Variants in ATF7IP2 observed in about 807,000 individuals in gnomAD.
ATF7IP2 encodes activating transcription factor 7-interacting protein 2.
A neutral mutation model predicts 64.2 loss-of-function variants in ATF7IP2; 42 were observed. The ratio of observed to expected loss-of-function variants is 0.65; its 90% CI spans 0.51 to 0.85. ATF7IP2 has a LOEUF of 0.85. ATF7IP2 is among the 40% of genes least tolerant of loss of function. The probability of loss-of-function intolerance (pLI) is 0.00; values close to 1 mark genes in which losing one functional copy is unlikely to be tolerated. For synonymous variants in ATF7IP2, 308 were observed against 272.8 expected, an observed-to-expected ratio of 1.13 and a Z score of -1.27; for missense variants, 933 against 784.2, an observed-to-expected ratio of 1.19 and a Z score of -2.27.
chr16:10,465,834 A>C (rs2049549319), intron 9 of ATF7IP2, among the ~76,000 whole-genome samples: 1 of 152,064 alleles, frequency 6.6e-6, no homozygotes, highest in South Asian at 2.1e-4. Flanking sequence ...TTCCCGTTAG[A>C]CCATAAGTTT....
In ATF7IP2 at chr16:10,406,307, C is replaced by T. The variant is rs116322477; in HGVS notation, c.-241-8267C>T. Reference sequence around the variant, plus strand: ...ATTTTGTAGAGATGGGGTTTTGCCACGTTGCTTGGGCTGGTCTTGATCTCC... The same window carrying T: ...ATTTTGTAGAGATGGGGTTTTGCCATGTTGCTTGGGCTGGTCTTGATCTCC... On this transcript the variant is annotated intron_variant, in intron 1 of 13. Transcript: ENST00000562102. Among the ~76,000 whole-genome samples the T allele has an allele frequency of 2.5e-3, 385 of 152,122 alleles. 1 individual carries two copies. The highest frequency in any genetic ancestry group is 8.8e-3 in the African/African-American group (367 of 41,512).
At chr16:10,425,495 G>A (rs979167864) in intron 3 of ATF7IP2, among the ~76,000 whole-genome samples, 4 of 152,008 alleles carry the variant, frequency 2.6e-5, no homozygotes, top group Non-Finnish European at 4.4e-5. Flanking sequence ...TGTAAATTAA[G>A]GCTTTAATAT....
chr16:10,401,550 G>A (rs989635178), intron 1 of ATF7IP2, among the ~76,000 whole-genome samples: 1 of 152,028 alleles, frequency 6.6e-6, no homozygotes, highest in Admixed American at 6.6e-5. Context: ...CAGGGATATT[G>A]GTCTGTAGTT....
chr16:10,474,305 C>A (rs2049923261), intron 12 of ATF7IP2, among the ~76,000 whole-genome samples: 1 of 150,358 alleles, frequency 6.7e-6, no homozygotes, highest in South Asian at 2.1e-4. Flanking sequence ...AGATTGACTT[C>A]TTCCGAGGGT....
At chr16:10,480,111 C>A (rs1242980558) in intron 12 of ATF7IP2, among the ~76,000 whole-genome samples, 3 of 151,474 alleles carry the variant, frequency 2.0e-5, no homozygotes, top group African/African-American at 2.4e-5. Context: ...TCTCAGCCTC[C>A]CGAGTAGCTG....
chr16:10,389,451 G>A (rs925168011), intron 1 of ATF7IP2, among the ~76,000 whole-genome samples: 3 of 152,046 alleles, frequency 2.0e-5, no homozygotes, highest in African/African-American at 4.8e-5. Context: ...TTACAAGAAC[G>A]TCTTTATAAT....
At chr16:10,434,897 T>C (rs1190869795) in intron 6 of ATF7IP2, among the ~76,000 whole-genome samples, 1 of 152,132 alleles carries the variant, frequency 6.6e-6, no homozygotes, top group Non-Finnish European at 1.5e-5. Context: ...TCCTGAGTAG[T>C]TGGGACTACA....
chr16:10,458,385 G>C (rs2049254390), intron 9 of ATF7IP2, among the ~76,000 whole-genome samples: 1 of 152,208 alleles, frequency 6.6e-6, no homozygotes, highest in Non-Finnish European at 1.5e-5. Context: ...AATAAAAAGT[G>C]CTAGTGATGG....
chr16:10,477,605 C>T (rs1332339044), intron 12 of ATF7IP2, among the ~76,000 whole-genome samples: 3 of 152,076 alleles, frequency 2.0e-5, no homozygotes. Flanking sequence ...GGGATGCCCT[C>T]TCTCACCGCT....
At chr16:10,421,157 G>T (rs73514865) in intron 3 of ATF7IP2, among the ~76,000 whole-genome samples, 1 of 152,120 alleles carries the variant, frequency 6.6e-6, no homozygotes. Flanking sequence ...TGAGTTCTCT[G>T]ATTTCCTATC....
At chr16:10,469,181 A>G (rs1220255545) in intron 9 of ATF7IP2, among the ~76,000 whole-genome samples, 1 of 152,198 alleles carries the variant, frequency 6.6e-6, no homozygotes, top group East Asian at 1.9e-4. Flanking sequence ...TGATCTACCT[A>G]GAAATAATTT....
intron 1 of ATF7IP2, among the ~76,000 whole-genome samples, chr16:10,390,498 A>G (rs926532977): frequency 2.0e-5 from 3 of 152,188 alleles, no homozygotes; most frequent in African/African-American, 7.2e-5. Context: ...AAAAAAGGTA[A>G]TAGGCTGGGC....
chr16:10,439,500 C>T (rs1042830621), intron 7 of ATF7IP2, among the ~76,000 whole-genome samples: 2 of 144,960 alleles, frequency 1.4e-5, no homozygotes, highest in Non-Finnish European at 3.0e-5. Context: ...TCCCAAAGTG[C>T]TGGGATTATA....
intron 9 of ATF7IP2, among the ~76,000 whole-genome samples, chr16:10,459,383 G>T (rs1416104646): frequency 6.6e-6 from 1 of 151,970 alleles, no homozygotes; most frequent in Non-Finnish European, 1.5e-5. Context: ...CAGGAGAATG[G>T]CTTGAACCTG....
intron 6 of ATF7IP2, among the ~76,000 whole-genome samples, chr16:10,435,004 G>GA (rs2048374052): frequency 6.6e-6 from 1 of 152,164 alleles, no homozygotes; most frequent in Admixed American, 6.5e-5. Flanking sequence ...AGCAGTTTCA[G>GA]TGATCCGCCC....
intron 1 of ATF7IP2, chr16:10,387,486 T>C (rs1215708068): frequency 6.6e-6 from 1 of 152,224 alleles, no homozygotes; most frequent in African/African-American, 2.4e-5. Context: ...TAAGAACTGG[T>C]GTATATAGGT....
chr16:10,422,161 T>TTTTA (rs544096783), intron 3 of ATF7IP2, among the ~76,000 whole-genome samples: 1 of 152,234 alleles, frequency 6.6e-6, no homozygotes, highest in Non-Finnish European at 1.5e-5. Context: ...AACTAAGTCC[T>TTTTA]CTAAAGCCTC....
At chr16:10,401,379 A>G (rs1385523291) in intron 1 of ATF7IP2, among the ~76,000 whole-genome samples, 1 of 152,060 alleles carries the variant, frequency 6.6e-6, no homozygotes, top group Non-Finnish European at 1.5e-5. Flanking sequence ...CATGTTGGCC[A>G]GGCTGGTCTC....
intron 9 of ATF7IP2, among the ~76,000 whole-genome samples, chr16:10,464,833 ATGT>A (rs779767771): frequency 2.5e-4 from 38 of 150,476 alleles, no homozygotes; most frequent in African/African-American, 4.0e-4. Context: ...GCTGTTGTTG[ATGT>A]TGTTGTTTGG....
Sources: gnomAD v4.1 joint callset for allele counts (sites outside exome capture counted in the v4.1 genomes callset) on GRCh38, gnomAD v4.1.1 for gene constraint, MANE v1.5 for transcripts, NCBI Gene and HGNC (gene_info 2026-07-23, HGNC 2026-07-21) for gene names.